The following STX18 variants were observed in gnomAD, a reference collection of about 807,000 sequenced individuals.
STX18 encodes syntaxin 18.
Under a neutral mutation model 50.1 loss-of-function variants are expected in STX18, and 40 were observed. The observed-to-expected ratio is 0.80, with a 90% CI of 0.62 to 1.04. The LOEUF (loss-of-function observed/expected upper bound fraction) is 1.04. Among genes scored for constraint, STX18 ranks in the 50% least tolerant of loss-of-function variants. The pLI, the probability that STX18 is intolerant of heterozygous loss-of-function variation, is 0.00. For missense variants in STX18, 410 were observed against 415.8 expected, an observed-to-expected ratio of 0.99 and a Z score of 0.12; for synonymous variants, 158 against 151.8, an observed-to-expected ratio of 1.04 and a Z score of -0.30.
intron 1 of STX18, among the ~76,000 whole-genome samples, chr4:4,512,336 TAA>T (rs954550849): frequency 4.2e-4 from 62 of 148,088 alleles, no homozygotes; most frequent in African/African-American, 1.5e-3. Flanking sequence ...TAATTCCAAT[TAA>T]AAAAAAAAAT....
intron 7 of STX18, among the ~76,000 whole-genome samples, chr4:4,431,948 G>A (rs776809538): frequency 6.6e-6 from 1 of 152,146 alleles, no homozygotes; most frequent in Non-Finnish European, 1.5e-5. Flanking sequence ...TGTGCACCTC[G>A]AGGGCCTAGG....
chr4:4,450,631 T>C (rs1726695055), intron 5 of STX18, among the ~76,000 whole-genome samples: 1 of 152,024 alleles, frequency 6.6e-6, no homozygotes, highest in Admixed American at 6.6e-5. Context: ...TTTGATCTAT[T>C]CTCCTAAATG....
chr4:4,507,103 C>A, intron 1 of STX18: 1 of 548,616 alleles, frequency 1.8e-6, no homozygotes, highest in Non-Finnish European at 3.6e-6. Flanking sequence ...GCGCCAAGAT[C>A]GTGAAGCCCA....
rs118143815 is a variant in STX18 at position 4,513,565 on chromosome 4, C to T, written c.168+28232G>A. Among the ~76,000 whole-genome samples, 41 of 152,256 alleles carry T rather than the reference C, an allele frequency of 2.7e-4. 2 individuals carry two copies. The East Asian group carries it at 7.3e-3, about 27-fold the overall frequency. On this transcript the variant is annotated intron_variant, in intron 1 of 10. Coordinates refer to ENST00000306200, the MANE Select transcript of STX18 (RefSeq NM_016930.4). ...ATGGTTGCTTTTAGAGGCCACATTC[C>T]CCGGTGAGCAACATACTCAAATAGA...
chr4:4,461,422 T>C (rs1432621913), intron 2 of STX18, among the ~76,000 whole-genome samples: 1 of 152,202 alleles, frequency 6.6e-6, no homozygotes, highest in Non-Finnish European at 1.5e-5. Flanking sequence ...TGTTCTGCTC[T>C]AGTAAAATGT....
chr4:4,461,918 G>A, intron 2 of STX18: 1 of 456,262 alleles, frequency 2.2e-6, no homozygotes, highest in East Asian at 6.9e-5. Flanking sequence ...AGAGACAGCA[G>A]AGGTTCCGCT....
At chr4:4,428,092 C>T (rs1259576115) in intron 7 of STX18, among the ~76,000 whole-genome samples, 1 of 152,250 alleles carries the variant, frequency 6.6e-6, no homozygotes, top group Non-Finnish European at 1.5e-5. Flanking sequence ...CTGACTTGTA[C>T]CAGGTTTCAG....
chr4:4,455,773 A>C (rs754790522), intron 5 of STX18, among the ~76,000 whole-genome samples: 1 of 152,232 alleles, frequency 6.6e-6, no homozygotes, highest in Non-Finnish European at 1.5e-5. Context: ...CATAGGTCAC[A>C]TGCTGTGTGA....
At chr4:4,474,334 G>A (rs901462622) in intron 1 of STX18, among the ~76,000 whole-genome samples, 3 of 124,002 alleles carry the variant, frequency 2.4e-5, no homozygotes, top group African/African-American at 5.0e-5. Flanking sequence ...GAGCTTGTCA[G>A]GCAGTTTCTG....
chr4:4,434,926 G>T, intron 6 of STX18, 68 bp from the exon 7 acceptor site: 2 of 1,054,014 alleles, frequency 1.9e-6, no homozygotes, highest in Non-Finnish European at 2.8e-6. Context: ...TTAGGATGTA[G>T]TCATAACACA....
At chr4:4,454,204 G>C (rs1726945512) in intron 5 of STX18, among the ~76,000 whole-genome samples, 1 of 152,182 alleles carries the variant, frequency 6.6e-6, no homozygotes, top group Non-Finnish European at 1.5e-5. Flanking sequence ...TAAAGATGAG[G>C]AAAGGACAAG....
chr4:4,442,953 T>C (rs895184839), intron 5 of STX18, among the ~76,000 whole-genome samples: 7 of 152,188 alleles, frequency 4.6e-5, no homozygotes, highest in Non-Finnish European at 7.3e-5. Context: ...AAGAAGATGA[T>C]GCATATTAAC....
intron 1 of STX18, among the ~76,000 whole-genome samples, chr4:4,523,781 T>C (rs1368145250): frequency 1.3e-5 from 2 of 152,198 alleles, no homozygotes; most frequent in African/African-American, 4.8e-5. Context: ...GAATGATCTT[T>C]CTCAAATACA....
intron 1 of STX18, among the ~76,000 whole-genome samples, chr4:4,530,384 A>C (rs948149997): frequency 6.6e-6 from 1 of 150,498 alleles, no homozygotes; most frequent in Non-Finnish European, 1.5e-5. Flanking sequence ...GCATATATTA[A>C]TTATATATAA....
intron 1 of STX18, among the ~76,000 whole-genome samples, chr4:4,513,490 G>A (rs1214905787): frequency 6.6e-6 from 1 of 152,194 alleles, no homozygotes; most frequent in African/African-American, 2.4e-5. Context: ...AGACTGCTTC[G>A]TGGAAGTCAT....
In STX18 at chr4:4,446,415, T is replaced by C. The variant is rs185428732; in HGVS notation, c.498-7906A>G. Among the ~76,000 whole-genome samples, 610 of 152,358 alleles carry C rather than the reference T, an allele frequency of 4.0e-3. 6 individuals carry two copies. The highest frequency in any genetic ancestry group is 0.014 in the African/African-American group (565 of 41,590). Reference sequence around the variant, plus strand: ...TAGGAAAAAATATTTGCAGCATGTATATAAGGATATGTATGCAGAATATAC... The same window carrying C: ...TAGGAAAAAATATTTGCAGCATGTACATAAGGATATGTATGCAGAATATAC... On this transcript the variant is annotated intron_variant, in intron 5 of 10. Coordinates refer to ENST00000306200, the MANE Select transcript of STX18 (RefSeq NM_016930.4).
At chr4:4,531,859 A>G (rs1198825643) in intron 1 of STX18, among the ~76,000 whole-genome samples, 1 of 152,254 alleles carries the variant, frequency 6.6e-6, no homozygotes, top group Non-Finnish European at 1.5e-5. Context: ...AAGATTAAAC[A>G]AAAAACAAAC....
chr4:4,542,141 C>G, upstream of STX18: 1 of 762,004 alleles, frequency 1.3e-6, no homozygotes, highest in African/African-American at 1.9e-5. Flanking sequence ...GAAAAAGGTT[C>G]CGGCCTCAGC....
rs570775635 is a variant in STX18, at chr4:4,517,009, T to C, written c.168+24788A>G. Among the ~76,000 whole-genome samples, 5 of 152,244 alleles carry C rather than the reference T, an allele frequency of 3.3e-5. No individual in the cohort carries two copies. The South Asian group carries it at 1.0e-3, about 31-fold the overall frequency. ...GTATGAACATTTGTGGCATACTCAGTAGCATCGGTTACAATGCCACAGAGT... is the reference window on the plus strand; with the variant it reads ...GTATGAACATTTGTGGCATACTCAGCAGCATCGGTTACAATGCCACAGAGT... On this transcript the variant is annotated intron_variant, in intron 1 of 10. Coordinates refer to ENST00000306200, the MANE Select transcript of STX18 (RefSeq NM_016930.4).
Sources: gnomAD v4.1 joint callset for allele counts (sites outside exome capture counted in the v4.1 genomes callset) on GRCh38, gnomAD v4.1.1 for gene constraint, MANE v1.5 for transcripts, NCBI Gene and HGNC (gene_info 2026-07-23, HGNC 2026-07-21) for gene names.